The following RSPO3 variants were observed in gnomAD, a reference collection of about 807,000 sequenced individuals.
RSPO3 encodes R-spondin 3, also known as R-spondin-3.
In RSPO3, 17 loss-of-function variants were observed where a neutral mutation model predicts 36.5. The ratio of observed to expected loss-of-function variants is 0.47; its 90% CI spans 0.32 to 0.70. The LOEUF (loss-of-function observed/expected upper bound fraction) is 0.70, where lower values mean the gene tolerates loss of function less well. Ranked by LOEUF, RSPO3 falls within the 30% of genes least tolerant of loss-of-function variation. RSPO3 has a pLI of 0.04. For synonymous variants in RSPO3, 108 were observed against 107.0 expected, an observed-to-expected ratio of 1.01 and a Z score of -0.06; for missense variants, 294 against 322.5, an observed-to-expected ratio of 0.91 and a Z score of 0.68.
At chr6:127,154,170 T>G (rs1189913306) in intron 3 of RSPO3, among the ~76,000 whole-genome samples, 2 of 152,184 alleles carry the variant, frequency 1.3e-5, no homozygotes, top group Non-Finnish European at 2.9e-5. Context: ...TGAGATAGCA[T>G]TCTGCTCTAA....
chr6:127,138,439 C>A (rs550896074), intron 1 of RSPO3, among the ~76,000 whole-genome samples: 1 of 152,134 alleles, frequency 6.6e-6, no homozygotes, highest in African/African-American at 2.4e-5. Flanking sequence ...AAGCTTCTCA[C>A]ACCTCCTGTA....
intron 3 of RSPO3, among the ~76,000 whole-genome samples, chr6:127,153,093 A>G (rs1774522705): frequency 6.6e-6 from 1 of 152,082 alleles, no homozygotes; most frequent in Admixed American, 6.6e-5. Context: ...ACCACAGCAC[A>G]ATCATTCCCA....
At chr6:127,178,094 T>G (rs1188162361) in intron 4 of RSPO3, among the ~76,000 whole-genome samples, 2 of 151,770 alleles carry the variant, frequency 1.3e-5, no homozygotes, top group Non-Finnish European at 2.9e-5. Flanking sequence ...GATCCTTTAC[T>G]AGTCATCTTG....
At chr6:127,130,520 C>A (rs1936806) in intron 1 of RSPO3, among the ~76,000 whole-genome samples, 1 of 151,906 alleles carries the variant, frequency 6.6e-6, no homozygotes, top group Admixed American at 6.6e-5. Context: ...GACAAATAAA[C>A]CCTGTCCTTG....
intron 1 of RSPO3, among the ~76,000 whole-genome samples, chr6:127,132,102 T>G (rs1353581074): frequency 6.6e-6 from 1 of 152,036 alleles, no homozygotes; most frequent in Non-Finnish European, 1.5e-5. Context: ...GAATCTCCCC[T>G]CTCCCCCAAC....
intron 4 of RSPO3, among the ~76,000 whole-genome samples, chr6:127,159,327 T>G (rs1774659438): frequency 6.6e-6 from 1 of 152,160 alleles, no homozygotes; most frequent in African/African-American, 2.4e-5. Flanking sequence ...AAGATTCTTA[T>G]TAATCACAGA....
chr6:127,181,318 A>G lies in RSPO3; in HGVS notation c.635-14505A>G, dbSNP rs374853353. On this transcript the variant is annotated intron_variant, in intron 4 of 4. Transcript: ENST00000356698. ...TTAAAAACTATACAGTAAAATATAC[A>G]AATACAGTACCCCATATATAAATAT... 5.3e-5 allele frequency among the ~76,000 whole-genome samples: 8 copies of G among 151,914 alleles called. No homozygotes were observed. In the East Asian group the frequency reaches 1.4e-3, roughly 26 times the overall value.
intron 4 of RSPO3, among the ~76,000 whole-genome samples, chr6:127,176,181 A>G (rs1442442259): frequency 6.6e-6 from 1 of 151,810 alleles, no homozygotes; most frequent in Non-Finnish European, 1.5e-5. Context: ...TTACTCACCA[A>G]TATAATAAAT....
intron 3 of RSPO3, among the ~76,000 whole-genome samples, chr6:127,154,983 G>T (rs1774563782): frequency 3.3e-5 from 5 of 152,100 alleles, no homozygotes. Flanking sequence ...TAATGTTAGT[G>T]CCTGTGTTAA....
Position 127,195,847 on chromosome 6 carries a change from GA to G in RSPO3, c.666del (p.Lys222AsnfsTer62), listed in dbSNP as rs1049009076. On this transcript the variant is annotated frameshift_variant, in exon 5 of 5. Coordinates refer to ENST00000356698, the MANE Select transcript of RSPO3 (RefSeq NM_032784.5). LOFTEE classifies it high-confidence loss of function. ...ERGKKGRERK[R>X]KKPNKGESKE... Reference sequence around the variant, plus strand: ...GGAAAAAAAGGAAGGGAGAGGAAAAGAAAAAAACCTAATAAAGGAGAAAGTA... The same window carrying G: ...GGAAAAAAAGGAAGGGAGAGGAAAAGAAAAAACCTAATAAAGGAGAAAGTA... The G allele has an allele frequency of 5.3e-6, 8 of 1,510,636 alleles. No individual in the cohort carries two copies. The highest frequency in any genetic ancestry group is 2.8e-5 in the African/African-American group (2 of 71,230). The allele number at this position is 1,510,636 out of a possible 1,614,324, so 93.6% of individuals were successfully genotyped here. A position where few individuals can be genotyped will look rare whatever the true frequency, so the allele number is the denominator to read the frequency against.
At chr6:127,123,080 A>G (rs895327605) in intron 1 of RSPO3, among the ~76,000 whole-genome samples, 2 of 152,180 alleles carry the variant, frequency 1.3e-5, no homozygotes, top group Admixed American at 6.5e-5. Flanking sequence ...AATAAAAAGG[A>G]AATAATTTTC....
chr6:127,179,551 G>T (rs892309193), intron 4 of RSPO3, among the ~76,000 whole-genome samples: 2 of 151,842 alleles, frequency 1.3e-5, no homozygotes, highest in Non-Finnish European at 2.9e-5. Context: ...TTGGACATGT[G>T]AACTGAAATA....
chr6:127,144,643 G>GTTTTTTTTTTGTTTTTTTTTTTTTTTT (rs1554220624), intron 1 of RSPO3, among the ~76,000 whole-genome samples: 2 of 99,130 alleles, frequency 2.0e-5, no homozygotes, highest in African/African-American at 8.3e-5. Flanking sequence ...GCTTCCCCTT[G>GTTTTTTTTTTGTTTTTTTTTTTTTTTT]TTTTTTTTTT....
In RSPO3 at chr6:127,152,637, C is replaced by T. The variant is rs150425394; in HGVS notation, c.436+2065C>T. Among the ~76,000 whole-genome samples, 43 of 152,064 alleles carry T rather than the reference C, an allele frequency of 2.8e-4. No individual in the cohort carries two copies. In the East Asian group the frequency reaches 7.7e-3, roughly 27 times the overall value. ...CCACACCGTATTTCTACTTTTCTAT[C>T]GAGATTTTAAATTGAGAGGAAAGGT... On this transcript the variant is annotated intron_variant, in intron 3 of 4. Transcript: ENST00000356698.
intron 4 of RSPO3, among the ~76,000 whole-genome samples, chr6:127,175,436 G>A (rs562082617): frequency 2.0e-5 from 3 of 151,818 alleles, no homozygotes; most frequent in African/African-American, 7.2e-5. Flanking sequence ...TTCAGTGGTG[G>A]CATATGGTTA....
At chr6:127,169,847 T>G (rs1472895340) in intron 4 of RSPO3, among the ~76,000 whole-genome samples, 1 of 117,014 alleles carries the variant, frequency 8.5e-6, no homozygotes, top group Non-Finnish European at 2.0e-5. Flanking sequence ...CTTACTTGCT[T>G]CTTTTGTTTT....
chr6:127,152,618 C>A (rs1365664286), intron 3 of RSPO3, among the ~76,000 whole-genome samples: 1 of 151,988 alleles, frequency 6.6e-6, no homozygotes, highest in South Asian at 2.1e-4. Context: ...AAATCCACAC[C>A]GTATTTCTAC....
intron 4 of RSPO3, among the ~76,000 whole-genome samples, chr6:127,165,542 A>C (rs1356416188): frequency 6.6e-6 from 1 of 151,992 alleles, no homozygotes; most frequent in East Asian, 1.9e-4. Flanking sequence ...GAAATGTATA[A>C]GACAAGGGAG....
rs1775535073 is a variant in RSPO3, at chr6:127,197,361, A to G, written c.*1354A>G. The stretch of plus-strand genomic sequence containing the variant: ...ATGGGCATCATTTCTTGTATGTCAG[A>G]TCCCCCTGCATCTTCAACATTTAGT... On this transcript the variant is annotated 3_prime_UTR_variant, in exon 5 of 5. Coordinates refer to ENST00000356698, the MANE Select transcript of RSPO3 (RefSeq NM_032784.5). The G allele has an allele frequency of 6.5e-7, 1 of 1,539,334 alleles. No individual in the cohort carries two copies. The highest frequency in any genetic ancestry group is 8.8e-7 in the Non-Finnish European group (1 of 1,141,350).
Sources: gnomAD v4.1 joint callset for allele counts (sites outside exome capture counted in the v4.1 genomes callset) on GRCh38, gnomAD v4.1.1 for gene constraint, MANE v1.5 for transcripts, NCBI Gene and HGNC (gene_info 2026-07-23, HGNC 2026-07-21) for gene names.